Variants in PKIB observed in about 807,000 individuals in gnomAD.
PKIB encodes the protein PKI-beta.
PKIB carries 2 observed loss-of-function variants against 4.5 expected under a neutral mutation model. The ratio of observed to expected loss-of-function variants is 0.44; its 90% CI spans 0.18 to 1.39. PKIB has a LOEUF of 1.39. Ranked by LOEUF, PKIB falls within the 40% of genes most tolerant of loss-of-function variation. The probability of loss-of-function intolerance (pLI) is 0.27; values close to 1 mark genes in which losing one functional copy is unlikely to be tolerated. For missense variants in PKIB, 94 were observed against 92.6 expected (o/e 1.02, Z -0.06); for synonymous variants, 38 against 36.0 (o/e 1.06, Z -0.20).
At chr6:122,643,549 T>C (rs549016813) in intron 2 of PKIB, 1 of 152,330 alleles carries the variant, frequency 6.6e-6, no homozygotes, top group African/African-American at 2.4e-5. Context: ...CAAGTTTCAC[T>C]TAATGTTCTT....
At chr6:122,625,310 A>G (rs1426492862) in intron 1 of PKIB, among the ~76,000 whole-genome samples, 4 of 152,156 alleles carry the variant, frequency 2.6e-5, no homozygotes, top group African/African-American at 9.7e-5. Flanking sequence ...AAAATTTCAG[A>G]TAAATTGGAT....
At chr6:122,710,821 G>A (rs182575360) in intron 3 of PKIB, among the ~76,000 whole-genome samples, 1 of 152,220 alleles carries the variant, frequency 6.6e-6, no homozygotes, top group East Asian at 1.9e-4. Flanking sequence ...ACTTCTTTAA[G>A]CAGGCTCCAG....
chr6:122,679,532 G>C (rs1373458270), intron 3 of PKIB, among the ~76,000 whole-genome samples: 1 of 152,110 alleles, frequency 6.6e-6, no homozygotes, highest in Non-Finnish European at 1.5e-5. Flanking sequence ...TGGTGATCTT[G>C]GGTAGTGAAA....
At chr6:122,621,204 A>G (rs762265791) in intron 1 of PKIB, among the ~76,000 whole-genome samples, 1 of 152,190 alleles carries the variant, frequency 6.6e-6, no homozygotes, top group African/African-American at 2.4e-5. Context: ...CTCTGATATT[A>G]TAGGTTAATG....
intron 3 of PKIB, among the ~76,000 whole-genome samples, chr6:122,703,935 T>G (rs1269347345): frequency 2.3e-5 from 3 of 128,574 alleles, no homozygotes; most frequent in African/African-American, 5.9e-5. Flanking sequence ...TATATATATA[T>G]ATATATAGAG....
At chr6:122,714,971 G>A (rs9490534) in intron 3 of PKIB, among the ~76,000 whole-genome samples, 1 of 151,210 alleles carries the variant, frequency 6.6e-6, no homozygotes, top group East Asian at 1.9e-4. Context: ...TTTTTTAGTA[G>A]AGACAGGGTT....
chr6:122,549,718 C>G (rs76632410), intron 2 of PKIB, among the ~76,000 whole-genome samples: 1 of 151,494 alleles, frequency 6.6e-6, no homozygotes, highest in Non-Finnish European at 1.5e-5. Flanking sequence ...TAACAAAATA[C>G]AGTAATTTCC....
chr6:122,618,040 C>T (rs958178565), intron 1 of PKIB, among the ~76,000 whole-genome samples: 1 of 151,926 alleles, frequency 6.6e-6, no homozygotes, highest in Non-Finnish European at 1.5e-5. Flanking sequence ...GTATAGTATC[C>T]TATGAAACAG....
intron 3 of PKIB, among the ~76,000 whole-genome samples, chr6:122,716,456 C>A (rs556699673): frequency 1.1e-4 from 17 of 152,220 alleles, no homozygotes; most frequent in African/African-American, 3.9e-4. Context: ...CTAATGGATT[C>A]CAAAATTGTA....
chr6:122,641,827 G>A (rs1260577736), intron 2 of PKIB, among the ~76,000 whole-genome samples: 1 of 152,144 alleles, frequency 6.6e-6, no homozygotes, highest in Non-Finnish European at 1.5e-5. Flanking sequence ...CCGAGTAGCT[G>A]GGACTGCAGG....
chr6:122,491,180 T>A (rs947252346), intron 2 of PKIB, among the ~76,000 whole-genome samples: 1 of 152,206 alleles, frequency 6.6e-6, no homozygotes, highest in Non-Finnish European at 1.5e-5. Context: ...TATCTTGACA[T>A]ACTTCCATGG....
rs548457700 is a variant in PKIB, at chr6:122,578,353, A to G, written c.-247-7568A>G. On this transcript the variant is annotated intron_variant, in intron 2 of 6. Transcript: ENST00000392491. ...GTTTTTTATTGTGTATTTTTATCTT[A>G]TTTTATTTAACCTTTCCTTTTCGGT... Among the ~76,000 whole-genome samples, 4 of 152,226 alleles carry G rather than the reference A, an allele frequency of 2.6e-5. No individual in the cohort carries two copies. In the South Asian group the frequency reaches 8.3e-4, roughly 32 times the overall value.
At chr6:122,527,908 T>C (rs1447600172) in intron 2 of PKIB, among the ~76,000 whole-genome samples, 1 of 152,174 alleles carries the variant, frequency 6.6e-6, no homozygotes, top group Non-Finnish European at 1.5e-5. Flanking sequence ...ATCTGTGTTA[T>C]TTAAATCCCC....
intron 3 of PKIB, among the ~76,000 whole-genome samples, chr6:122,709,205 G>A (rs757683530): frequency 1.1e-4 from 16 of 152,090 alleles, no homozygotes; most frequent in Non-Finnish European, 2.1e-4. Context: ...GAAGTTAGAT[G>A]TCTTTCTAGA....
chr6:122,513,841 T>C (rs951070612), intron 2 of PKIB, among the ~76,000 whole-genome samples: 2 of 152,228 alleles, frequency 1.3e-5, no homozygotes, highest in African/African-American at 4.8e-5. Context: ...TAGTATTGCA[T>C]AGTGTATATG....
At chr6:122,620,880 G>T (rs1410225074) in intron 1 of PKIB, among the ~76,000 whole-genome samples, 1 of 152,150 alleles carries the variant, frequency 6.6e-6, no homozygotes, top group Non-Finnish European at 1.5e-5. Context: ...TTGCAGCAAA[G>T]ATTTCTGCAT....
chr6:122,511,272 C>T (rs1776576449), intron 2 of PKIB, among the ~76,000 whole-genome samples: 2 of 152,274 alleles, frequency 1.3e-5, no homozygotes, highest in Middle Eastern at 6.8e-3. Context: ...GAACCAAGCA[C>T]AAAATTGTTC....
At chr6:122,546,385 G>A (rs1403272511) in intron 2 of PKIB, among the ~76,000 whole-genome samples, 3 of 151,616 alleles carry the variant, frequency 2.0e-5, no homozygotes, top group Non-Finnish European at 4.4e-5. Flanking sequence ...AAACACATGG[G>A]ATGAGGTGGG....
At chr6:122,616,920 G>A (rs536434790) in intron 1 of PKIB, among the ~76,000 whole-genome samples, 6 of 152,148 alleles carry the variant, frequency 3.9e-5, no homozygotes, top group African/African-American at 7.2e-5. Context: ...GGCAAAGAGA[G>A]TATCTATTCA....
Sources: allele counts gnomAD v4.1 joint callset (sites outside exome capture counted in the v4.1 genomes callset), GRCh38; gene constraint gnomAD v4.1.1; transcripts MANE v1.5; gene names NCBI Gene and HGNC (gene_info 2026-07-23, HGNC 2026-07-21).